The following TMEM131 variants were observed in gnomAD, a reference collection of about 807,000 sequenced individuals.
TMEM131 encodes the protein 2610524E03Rik.
TMEM131 carries 66 observed loss-of-function variants against 211.6 expected under a neutral mutation model. That is an observed-to-expected ratio of 0.31 (90% CI 0.26 to 0.38). The LOEUF is 0.38. Ranked by LOEUF, TMEM131 falls within the 10% of genes least tolerant of loss-of-function variation. The pLI is 1.00. For synonymous variants in TMEM131, 844 were observed against 841.3 expected, an observed-to-expected ratio of 1.00 and a Z score of -0.06; for missense variants, 2,036 against 2,299.3, an observed-to-expected ratio of 0.89 and a Z score of 2.34.
chr2:97,904,019 C>G (rs1675966185), intron 3 of TMEM131, among the ~76,000 whole-genome samples: 1 of 151,990 alleles, frequency 6.6e-6, no homozygotes, highest in African/African-American at 2.4e-5. Flanking sequence ...TGTCAAAGTT[C>G]TAAGAGAGTA....
chr2:97,863,063 A>T (rs952008732), intron 4 of TMEM131, among the ~76,000 whole-genome samples: 3 of 152,240 alleles, frequency 2.0e-5, no homozygotes, highest in African/African-American at 7.2e-5. Flanking sequence ...CTTACAGGCC[A>T]GGAGAGACTG....
rs1174166865 is a variant in TMEM131, at chr2:97,775,847, T to A, written c.4316A>T (p.Lys1439Met). ...TTGTGTGAGATCAGCCCGTACCTCC[T>A]TGAGGAGCGGTTCTGTGTCAGGGTT... ...TSNPDTEPLL[K>M]EDTEKQKGKQ... Residue 1439 changes from lysine (K) to methionine (M), a missense_variant, in exon 32 of 41, where the codon AAG becomes ATG. Coordinates refer to ENST00000186436, the MANE Select transcript of TMEM131 (RefSeq NM_015348.2). 1 of 1,612,866 alleles carries A rather than the reference T, an allele frequency of 6.2e-7. No homozygotes were observed. The highest frequency in any genetic ancestry group is 8.5e-7 in the Non-Finnish European group (1 of 1,179,544).
intron 1 of TMEM131, among the ~76,000 whole-genome samples, chr2:97,934,961 G>A (rs762252184): frequency 6.6e-6 from 1 of 151,624 alleles, no homozygotes; most frequent in Admixed American, 6.6e-5. Flanking sequence ...GTTTGGCAGT[G>A]TTCCTAGAGT....
At chr2:97,865,938 A>G (rs1674252231) in intron 4 of TMEM131, among the ~76,000 whole-genome samples, 1 of 152,120 alleles carries the variant, frequency 6.6e-6, no homozygotes, top group African/African-American at 2.4e-5. Context: ...GCTGGAATGA[A>G]GTGGCACGAT....
At chr2:97,906,710 T>A (rs570462668) in intron 3 of TMEM131, among the ~76,000 whole-genome samples, 2 of 152,212 alleles carry the variant, frequency 1.3e-5, no homozygotes, top group African/African-American at 4.8e-5. Flanking sequence ...GAAACTAGCA[T>A]CAACATGTAA....
intron 1 of TMEM131, among the ~76,000 whole-genome samples, chr2:97,974,533 A>C (rs1266836040): frequency 1.3e-5 from 2 of 152,116 alleles, no homozygotes; most frequent in Non-Finnish European, 2.9e-5. Flanking sequence ...AACATGAAAA[A>C]AACTACACCA....
Position 97,995,451 on chromosome 2 carries a change from AGGGACGCCGCC to A in TMEM131, c.187+14_187+24del. ...GAGAGCGGGGTGACAGCCCCGCCGCAGGGACGCCGCCGGGGGACACCCACCTTCCTTCTCGG... is the reference window on the plus strand; with the variant it reads ...GAGAGCGGGGTGACAGCCCCGCCGCAGGGGGACACCCACCTTCCTTCTCGG... On this transcript the variant is annotated intron_variant, in intron 1 of 40. Coordinates refer to ENST00000186436, the MANE Select transcript of TMEM131 (RefSeq NM_015348.2). The A allele has an allele frequency of 7.4e-7, 1 of 1,354,088 alleles. No homozygotes were observed. Among genetic ancestry groups the A allele is most frequent in the Admixed American group, 3.5e-5 (1 of 28,412 alleles). 83.9% of individuals were successfully genotyped at this position (1,354,088 alleles called of 1,614,324 possible).
Position 97,888,056 on chromosome 2 carries a change from C to G in TMEM131, c.355G>C (p.Glu119Gln). The part of the protein sequence containing the change: ...RFEPPMLDFH[E>Q]QPVGMPKMEK... ...GTCCAAAAATTTTAAACTTACTGTT[C>G]ATGGAAATCCAGCATTGGTGGCTCA... is the stretch of plus-strand genomic sequence containing the variant. Residue 119 changes from glutamate to glutamine, a missense_variant, in exon 4 of 41, where the codon GAA (glutamate) becomes CAA (glutamine). Glu to Gln is a conservative substitution (Grantham distance 29). This residue lies in a region of TMEM131 where 277 missense variants were observed against 378.0 expected (regional missense o/e 0.73). Coordinates refer to ENST00000186436, the MANE Select transcript of TMEM131 (RefSeq NM_015348.2). 6.2e-7 allele frequency: 1 copy of G among 1,613,216 alleles called. No homozygotes were observed. Among genetic ancestry groups the G allele is most frequent in the South Asian group, 1.1e-5 (1 of 90,988 alleles).
rs186180783 is a variant in TMEM131, at chr2:97,994,276, A to C, written c.187+1200T>G. ...AGCGGCAATATTTTATTCTGGAAATAATTTTGCTTCCATCAATTAATCCTT... is the reference window on the plus strand; with the variant it reads ...AGCGGCAATATTTTATTCTGGAAATCATTTTGCTTCCATCAATTAATCCTT... On this transcript the variant is annotated intron_variant, in intron 1 of 40. Coordinates refer to ENST00000186436, the MANE Select transcript of TMEM131 (RefSeq NM_015348.2). Among the ~76,000 whole-genome samples the C allele has an allele frequency of 3.3e-5, 5 of 152,366 alleles. No individual in the cohort carries two copies. The East Asian group carries it at 9.6e-4, about 29-fold the overall frequency.
intron 6 of TMEM131, 129 bp from the exon 7 acceptor site, chr2:97,842,066 A>T (rs1010171183): frequency 6.8e-5 from 58 of 857,194 alleles, no homozygotes; most frequent in African/African-American, 6.7e-4. Context: ...CCCTTTATTT[A>T]AAAAAAACCC....
At chr2:97,791,916 C>T (rs977458700) in intron 31 of TMEM131, among the ~76,000 whole-genome samples, 41 of 152,204 alleles carry the variant, frequency 2.7e-4, no homozygotes, top group Admixed American at 1.8e-3. Flanking sequence ...GAGGATATAC[C>T]AACAAATGAG....
intron 2 of TMEM131, among the ~76,000 whole-genome samples, chr2:97,917,311 A>G (rs1676549303): frequency 6.6e-6 from 1 of 152,240 alleles, no homozygotes; most frequent in South Asian, 2.1e-4. Flanking sequence ...AAAGTTTGCC[A>G]ACATCTGGCT....
intron 3 of TMEM131, among the ~76,000 whole-genome samples, chr2:97,897,802 T>C (rs990062166): frequency 1.3e-5 from 2 of 152,144 alleles, no homozygotes; most frequent in African/African-American, 2.4e-5. Flanking sequence ...AATTTTTCAC[T>C]AGGTGTCTGA....
At chr2:97,974,276 T>C (rs1679428923) in intron 1 of TMEM131, among the ~76,000 whole-genome samples, 1 of 152,110 alleles carries the variant, frequency 6.6e-6, no homozygotes, top group Non-Finnish European at 1.5e-5. Flanking sequence ...GGCATAGCAG[T>C]AGACCCATCC....
intron 11 of TMEM131, among the ~76,000 whole-genome samples, chr2:97,832,789 T>C (rs1682769939): frequency 6.6e-6 from 1 of 152,194 alleles, no homozygotes; most frequent in East Asian, 1.9e-4. Flanking sequence ...TAAAACTATC[T>C]AACGGCACCT....
chr2:97,818,714 C>A lies in TMEM131; in HGVS notation c.1082G>T (p.Arg361Leu). 6.3e-7 allele frequency: 1 copy of A among 1,597,402 alleles called. No individual in the cohort carries two copies. Among genetic ancestry groups the A allele is most frequent in the South Asian group, 1.1e-5 (1 of 88,998 alleles). Residue 361 changes from arginine to leucine, a missense_variant, in exon 12 of 41, where the codon CGA (arginine) becomes CTA (leucine). Physicochemically the swap from Arg to Leu is moderately radical, Grantham distance 102. Coordinates refer to ENST00000186436, the MANE Select transcript of TMEM131 (RefSeq NM_015348.2). Reference protein sequence around the residue: ...GTKDVPITSVRPTPQNDAITV... With the variant: ...GTKDVPITSVLPTPQNDAITV... ...TATAGCATCATTTTGTGGTGTAGGT[C>A]GAACACTCTGCAAAGAGAACAAAAA...
intron 31 of TMEM131, among the ~76,000 whole-genome samples, chr2:97,791,635 G>T (rs564396940): frequency 1.8e-4 from 28 of 152,232 alleles, no homozygotes; most frequent in Non-Finnish European, 3.5e-4. Flanking sequence ...CACCTTGACT[G>T]CAGTCCTGTG....
At chr2:97,880,943 A>T (rs976600385) in intron 4 of TMEM131, among the ~76,000 whole-genome samples, 72 of 152,312 alleles carry the variant, frequency 4.7e-4, no homozygotes, top group African/African-American at 1.4e-3. Context: ...AAGATCTGAG[A>T]GGGAGGAAGA....
rs573743800 is a variant in TMEM131 at position 97,945,386 on chromosome 2, A to G, written c.188-17899T>C. Among the ~76,000 whole-genome samples the G allele has an allele frequency of 2.6e-5, 4 of 152,306 alleles. No homozygotes were observed. In the East Asian group the frequency reaches 7.7e-4, roughly 29 times the overall value. ...GGAATGAGACAGTTGTGATGGTTGT[A>G]CAAGTCTATGAGTATACTTCAAAAA... On this transcript the variant is annotated intron_variant, in intron 1 of 40. Transcript: ENST00000186436.
Sources: allele counts gnomAD v4.1 joint callset (sites outside exome capture counted in the v4.1 genomes callset), GRCh38; gene constraint gnomAD v4.1.1; regional missense constraint gnomAD v4.1.1; transcripts MANE v1.5; gene names NCBI Gene and HGNC (gene_info 2026-07-23, HGNC 2026-07-21).